SIRT1: variants seen among roughly 807,000 people sequenced by gnomAD.
SIRT1 encodes the protein sirtuin 1, also known as NAD-dependent protein deacetylase sirtuin-1.
Under a neutral mutation model 67.9 loss-of-function variants are expected in SIRT1, and 24 were observed. The observed-to-expected ratio is 0.35, with a 90% CI of 0.26 to 0.50. The LOEUF (loss-of-function observed/expected upper bound fraction) is 0.50. Ranked by LOEUF, SIRT1 falls within the 20% of genes least tolerant of loss-of-function variation. SIRT1 has a pLI of 0.98. For synonymous variants in SIRT1, 378 were observed against 350.7 expected (o/e 1.08, Z -0.87); for missense variants, 873 against 937.2 (o/e 0.93, Z 0.89).
intron 1 of SIRT1, chr10:67,885,409 C>T (rs923536385): frequency 1.6e-6 from 2 of 1,226,992 alleles, no homozygotes; most frequent in Middle Eastern, 3.1e-4. Context: ...GGTCGGGAGA[C>T]TCTCGCAGTC....
intron 4 of SIRT1, among the ~76,000 whole-genome samples, chr10:67,903,971 T>A (rs1363803851): frequency 1.3e-5 from 2 of 152,132 alleles, no homozygotes; most frequent in African/African-American, 4.8e-5. Context: ...TGTCACACTT[T>A]CACCATGGAA....
chr10:67,896,001 G>C (rs967854501), intron 4 of SIRT1, among the ~76,000 whole-genome samples: 2 of 152,076 alleles, frequency 1.3e-5, no homozygotes, highest in African/African-American at 4.8e-5. Context: ...CTAGGCCAAA[G>C]TGCTGGGATT....
intron 7 of SIRT1, among the ~76,000 whole-genome samples, chr10:67,909,817 C>T (rs919657368): frequency 6.6e-5 from 10 of 151,982 alleles, no homozygotes; most frequent in African/African-American, 1.7e-4. Flanking sequence ...TCAGGTGATC[C>T]GCCTGTCTCT....
intron 8 of SIRT1, among the ~76,000 whole-genome samples, chr10:67,913,633 G>C (rs770402182): frequency 6.6e-6 from 1 of 152,076 alleles, no homozygotes; most frequent in African/African-American, 2.4e-5. Context: ...TTATCAATAA[G>C]TGTTAACTGA....
At chr10:67,899,867 T>C (rs1455080001) in intron 4 of SIRT1, among the ~76,000 whole-genome samples, 1 of 151,964 alleles carries the variant, frequency 6.6e-6, no homozygotes, top group African/African-American at 2.4e-5. Context: ...GGTGGATCAC[T>C]TGAGGTAGGA....
In SIRT1 at chr10:67,913,164, C is replaced by T. The variant is rs184565120; in HGVS notation, c.1915+133C>T. 1,138 of 881,426 alleles carry T rather than the reference C, an allele frequency of 1.3e-3. 15 individuals carry two copies. The highest frequency in any genetic ancestry group is 0.011 in the South Asian group (563 of 50,950). 54.6% of individuals were successfully genotyped at this position (881,426 alleles called of 1,614,324 possible). A position where few individuals can be genotyped will look rare whatever the true frequency, so the allele number is the denominator to read the frequency against. ...TTCTGTTTAGAGAAACTGTACAGTT[C>T]GTAATCAGAAAGGTAAATCTTCTGG... is the stretch of plus-strand genomic sequence containing the variant. On this transcript the variant is annotated intron_variant, in intron 8 of 8. Coordinates refer to ENST00000212015, the MANE Select transcript of SIRT1 (RefSeq NM_012238.5).
chr10:67,912,854 C>T lies in SIRT1; in HGVS notation c.1738C>T (p.Gln580Ter). Residue 580 changes from glutamine to a stop codon, truncating the protein, a stop_gained, in exon 8 of 9, where the codon CAG becomes TAG. Transcript: ENST00000212015. LOFTEE classifies it high-confidence loss of function. ...ESKGCMEEKP[Q>*]EVQTSRNVES... ...AAAAGGTTGTATGGAAGAAAAACCA[C>T]AGGAAGTACAAACTTCTAGGAATGT... 6.2e-7 allele frequency: 1 copy of T among 1,614,082 alleles called. No homozygotes were observed. The highest frequency in any genetic ancestry group is 8.5e-7 in the Non-Finnish European group (1 of 1,180,004).
In SIRT1 at chr10:67,906,661, CT is replaced by C; in HGVS notation, c.943-126del. On this transcript the variant is annotated intron_variant, in intron 4 of 8. Coordinates refer to ENST00000212015, the MANE Select transcript of SIRT1 (RefSeq NM_012238.5). ...GGTGTGTGTCGCATCCATCTAGATACTTTAAAATGCTCATCTATTTCATTTT... is the reference window on the plus strand; with the variant it reads ...GGTGTGTGTCGCATCCATCTAGATACTTAAAATGCTCATCTATTTCATTTT... The C allele has an allele frequency of 4.2e-6, 4 of 949,838 alleles. 1 individual carries two copies. The highest frequency in any genetic ancestry group is 6.3e-6 in the Non-Finnish European group (4 of 638,938). The allele number at this position is 949,838 out of a possible 1,614,324, so 58.8% of individuals were successfully genotyped here. A position where few individuals can be genotyped will look rare whatever the true frequency, so the allele number is the denominator to read the frequency against.
chr10:67,909,213 A>G, intron 6 of SIRT1, 43 bp from the exon 7 acceptor site: 1 of 1,389,952 alleles, frequency 7.2e-7, no homozygotes, highest in Non-Finnish European at 9.8e-7. Flanking sequence ...ACTTGGGCTT[A>G]CTCTTTGCTT....
At chr10:67,903,743 A>G (rs1242472589) in intron 4 of SIRT1, among the ~76,000 whole-genome samples, 2 of 152,140 alleles carry the variant, frequency 1.3e-5, no homozygotes, top group African/African-American at 4.8e-5. Flanking sequence ...CCTATGGCCA[A>G]TTCCTGGATT....
chr10:67,884,705 A>G lies in SIRT1; in HGVS notation c.-17A>G. The G allele has an allele frequency of 2.4e-6, 3 of 1,228,302 alleles. No individual in the cohort carries two copies. Among genetic ancestry groups the G allele is most frequent in the Non-Finnish European group, 3.0e-6 (3 of 985,790 alleles). 76.1% of individuals were successfully genotyped at this position (1,228,302 alleles called of 1,614,324 possible). A position where few individuals can be genotyped will look rare whatever the true frequency, so the allele number is the denominator to read the frequency against. ...GCAGAGGAGGCGAGGGAGGAGGGCC[A>G]GAGAGGCAGTTGGAAGATGGCGGAC... On this transcript the variant is annotated 5_prime_UTR_variant, in exon 1 of 9. Transcript: ENST00000212015.
chr10:67,885,941 CTTTT>C (rs766544980), intron 1 of SIRT1, among the ~76,000 whole-genome samples: 5 of 95,564 alleles, frequency 5.2e-5, no homozygotes, highest in African/African-American at 8.1e-5. Flanking sequence ...TTGAAGGTTT[CTTTT>C]TTTTTTTTTT....
intron 1 of SIRT1, among the ~76,000 whole-genome samples, chr10:67,886,546 A>AC (rs1363328194): frequency 4.9e-5 from 6 of 122,016 alleles, no homozygotes; most frequent in Non-Finnish European, 8.7e-5. Flanking sequence ...ACAGAGTGAG[A>AC]CCCCGTCTCA....
chr10:67,906,183 T>C (rs1458273857), intron 4 of SIRT1: 1 of 1,422,194 alleles, frequency 7.0e-7, no homozygotes, highest in Non-Finnish European at 9.2e-7. Flanking sequence ...ATTGAAGCAT[T>C]ATTTGGGGGG....
Position 67,885,085 on chromosome 10 carries a change from G to C in SIRT1, c.364G>C (p.Asp122His). The C allele has an allele frequency of 2.1e-6, 3 of 1,448,618 alleles. No homozygotes were observed. The highest frequency in any genetic ancestry group is 2.7e-6 in the Non-Finnish European group (3 of 1,094,198). The allele number at this position is 1,448,618 out of a possible 1,614,324, so 89.7% of individuals were successfully genotyped here. A position where few individuals can be genotyped will look rare whatever the true frequency, so the allele number is the denominator to read the frequency against. The change falls in exon 1 of 9, where the codon GAC becomes CAC. Residue 122 changes from aspartate to histidine, a missense_variant. Physicochemically the swap from Asp to His is moderately conservative, Grantham distance 81. Coordinates refer to ENST00000212015, the MANE Select transcript of SIRT1 (RefSeq NM_012238.5). ...REPPLADNLY[D>H]EDDDDEGEEE... Reference sequence around the variant, plus strand: ...GCCACCGCTGGCCGACAACTTGTACGACGAAGACGACGACGACGAGGGCGA... The same window carrying C: ...GCCACCGCTGGCCGACAACTTGTACCACGAAGACGACGACGACGAGGGCGA...
chr10:67,906,850 A>C lies in SIRT1; in HGVS notation c.1003A>C (p.Lys335Gln). 6.2e-7 allele frequency: 1 copy of C among 1,613,360 alleles called. No homozygotes were observed. Among genetic ancestry groups the C allele is most frequent in the Non-Finnish European group, 8.5e-7 (1 of 1,179,714 alleles). The change falls in exon 5 of 9, where the codon AAG becomes CAG. Residue 335 changes from lysine to glutamine, a missense_variant. Physicochemically the swap from Lys to Gln is moderately conservative, Grantham distance 53. Transcript: ENST00000212015. ...TCACAAATTCATAGCCTTGTCAGATAAGGAAGGAAAACTACTTCGCAACTA... is the reference window on the plus strand; with the variant it reads ...TCACAAATTCATAGCCTTGTCAGATCAGGAAGGAAAACTACTTCGCAACTA... The part of the protein sequence containing the change: ...LCHKFIALSD[K>Q]EGKLLRNYTQ...
intron 5 of SIRT1, among the ~76,000 whole-genome samples, chr10:67,907,511 A>G (rs1842838994): frequency 6.7e-6 from 1 of 149,164 alleles, no homozygotes. Flanking sequence ...AAAAAAAAGA[A>G]AAAGAAATTC....
chr10:67,901,173 T>C (rs2095556237), intron 4 of SIRT1, among the ~76,000 whole-genome samples: 1 of 152,130 alleles, frequency 6.6e-6, no homozygotes, highest in African/African-American at 2.4e-5. Flanking sequence ...TTTCTTTTTT[T>C]TTTGAGATAG....
chr10:67,889,218 T>TCTAA, intron 3 of SIRT1, 95 bp downstream of exon 3: 2 of 1,350,478 alleles, frequency 1.5e-6, no homozygotes, highest in Admixed American at 2.3e-5. Context: ...GATTTATCCT[T>TCTAA]ACATGATAAT....
Sources: gnomAD v4.1 joint callset for allele counts (sites outside exome capture counted in the v4.1 genomes callset) on GRCh38, gnomAD v4.1.1 for gene constraint, MANE v1.5 for transcripts, NCBI Gene and HGNC (gene_info 2026-07-23, HGNC 2026-07-21) for gene names.